DDX59: variants seen among roughly 807,000 people sequenced by gnomAD.
The protein encoded by DDX59 is DEAD-box helicase 59.
A neutral mutation model predicts 51.9 loss-of-function variants in DDX59; 30 were observed. That is an observed-to-expected ratio of 0.58 (90% CI 0.43 to 0.78). The LOEUF is 0.78. Among genes scored for constraint, DDX59 ranks in the 30% least tolerant of loss-of-function variants. The pLI is 0.00. For synonymous variants in DDX59, 255 were observed against 253.3 expected (o/e 1.01, Z -0.06); for missense variants, 672 against 730.8 (o/e 0.92, Z 0.93).
At chr1:200,657,568 T>C (rs1195830753) in intron 4 of DDX59, among the ~76,000 whole-genome samples, 1 of 151,866 alleles carries the variant, frequency 6.6e-6, no homozygotes, top group Non-Finnish European at 1.5e-5. Flanking sequence ...GCTAACACAG[T>C]GAAACCCCGT....
At chr1:200,657,558 G>A (rs999793209) in intron 4 of DDX59, among the ~76,000 whole-genome samples, 1 of 152,034 alleles carries the variant, frequency 6.6e-6, no homozygotes, top group Non-Finnish European at 1.5e-5. Context: ...GACCATCCTG[G>A]CTAACACAGT....
At chr1:200,660,571 G>A (rs1271098784) in intron 3 of DDX59, among the ~76,000 whole-genome samples, 1 of 151,872 alleles carries the variant, frequency 6.6e-6, no homozygotes, top group Non-Finnish European at 1.5e-5. Context: ...CATAGAGGAG[G>A]ATTGGTCAAA....
Position 200,665,689 on chromosome 1 carries a change from T to C in DDX59, c.804+248A>G, listed in dbSNP as rs372565256. Among the ~76,000 whole-genome samples, 21 of 152,246 alleles carry C rather than the reference T, an allele frequency of 1.4e-4. 1 individual carries two copies. The East Asian group carries it at 2.1e-3, about 15-fold the overall frequency. On this transcript the variant is annotated intron_variant, in intron 2 of 7. Coordinates refer to ENST00000331314, the MANE Select transcript of DDX59 (RefSeq NM_001031725.6). ...GAAAAACTGTTAAAAAGAAAATGTT[T>C]TGTAAGGAAGCAAGTTTTTAGATCG...
downstream of DDX59, among the ~76,000 whole-genome samples, chr1:200,642,315 T>C (rs35075568): frequency 4.3e-3 from 653 of 152,330 alleles, 2 homozygotes; most frequent in Non-Finnish European, 5.8e-3. Context: ...TTTTATAATA[T>C]AGTACATTAG....
In DDX59 at chr1:200,664,005, T is replaced by G. The variant is rs1469772919; in HGVS notation, c.886A>C (p.Ser296Arg). Residue 296 changes from serine (S) to arginine (R), a missense_variant, in exon 3 of 8, where the codon AGT becomes CGT. Transcript: ENST00000331314. The stretch of plus-strand genomic sequence containing the variant: ...ACAGTTTTCATGCGTGGCAGGCCAC[T>G]CATCAATTCTTTAGCTTGTCTCTCT... ...QIERQAKELM[S>R]GLPRMKTVLL... 1 of 1,614,120 alleles carries G rather than the reference T, an allele frequency of 6.2e-7. No individual in the cohort carries two copies. Among genetic ancestry groups the G allele is most frequent in the Non-Finnish European group, 8.5e-7 (1 of 1,180,046 alleles).
chr1:200,669,088 T>C (rs1403619941), intron 1 of DDX59, among the ~76,000 whole-genome samples: 3 of 152,150 alleles, frequency 2.0e-5, no homozygotes, highest in Non-Finnish European at 4.4e-5. Context: ...TCAAAATAAA[T>C]CTCTTCAAAT....
intron 6 of DDX59, among the ~76,000 whole-genome samples, chr1:200,648,811 T>C (rs140140746): frequency 2.0e-5 from 3 of 152,342 alleles, no homozygotes; most frequent in Admixed American, 2.0e-4. Flanking sequence ...TGCCCTGCTC[T>C]AGTCCAAACT....
At chr1:200,663,809 A>T in intron 3 of DDX59, 110 bp downstream of exon 3, 2 of 1,141,420 alleles carry the variant, frequency 1.8e-6, no homozygotes, top group Non-Finnish European at 2.3e-6. Flanking sequence ...GTAAGAATTT[A>T]AAGGCTCTCT....
chr1:200,654,944 C>CTTAG (rs1661918149), intron 4 of DDX59: 1 of 152,204 alleles, frequency 6.6e-6, no homozygotes, highest in African/African-American at 2.4e-5. Context: ...AAGCCAGGCC[C>CTTAG]TTAGCCCTAG....
chr1:200,667,205 C>A (rs1409181246), intron 1 of DDX59, among the ~76,000 whole-genome samples: 2 of 152,126 alleles, frequency 1.3e-5, no homozygotes, highest in South Asian at 4.1e-4. Flanking sequence ...GAGTTTGAGA[C>A]CAGCCTGGCC....
chr1:200,666,186 A>T lies in DDX59; in HGVS notation c.555T>A (p.Leu185=), dbSNP rs1186428722. Residue 185 remains leucine, a synonymous_variant, in exon 2 of 8, where the codon CTT becomes CTA. Transcript: ENST00000331314. ...GAACTAAAATTCCCAGCTGCTGTTT[A>T]AGATTTTCAATCTGGTCTTCCTGAA... is the stretch of plus-strand genomic sequence containing the variant. ...LNLQEDQIEN[L]KQQLGILVQG... 6.2e-7 allele frequency: 1 copy of T among 1,614,210 alleles called. No individual in the cohort carries two copies. The highest frequency in any genetic ancestry group is 1.1e-5 in the South Asian group (1 of 91,090).
intron 7 of DDX59, among the ~76,000 whole-genome samples, chr1:200,648,032 G>T (rs879084319): frequency 1.5e-5 from 2 of 133,826 alleles, no homozygotes; most frequent in Non-Finnish European, 3.3e-5. Context: ...CTTTTTTTTG[G>T]GGGGGGGGAG....
At chr1:200,649,636 A>AT in intron 5 of DDX59, among the ~76,000 whole-genome samples, 1 of 151,146 alleles carries the variant, frequency 6.6e-6, no homozygotes, top group South Asian at 2.1e-4. Context: ...CACAAAAAAA[A>AT]AAAAAAACAC....
At chr1:200,651,203 T>C (rs1309278729) in intron 4 of DDX59, among the ~76,000 whole-genome samples, 3 of 151,404 alleles carry the variant, frequency 2.0e-5, no homozygotes, top group Non-Finnish European at 3.0e-5. Flanking sequence ...CAAAGTTTGT[T>C]TTTTTTTTAA....
At chr1:200,640,976 TTTAC>T (rs1163962693), downstream of DDX59, 1 of 273,768 alleles carries the variant, frequency 3.7e-6, no homozygotes. Context: ...GAGAACTGTG[TTTAC>T]TTAATTATCC....
At chr1:200,664,849 A>G (rs1662614175) in intron 2 of DDX59, among the ~76,000 whole-genome samples, 1 of 151,926 alleles carries the variant, frequency 6.6e-6, no homozygotes, top group Non-Finnish European at 1.5e-5. Context: ...CTAATTTTGT[A>G]TTTTTAGTAG....
chr1:200,646,870 A>G (rs867909378), intron 7 of DDX59, among the ~76,000 whole-genome samples: 22 of 152,264 alleles, frequency 1.4e-4, no homozygotes, highest in African/African-American at 5.3e-4. Context: ...CAACTAATGA[A>G]TAAACAAAGG....
At chr1:200,644,751 C>T (rs1177473546) in intron 7 of DDX59, among the ~76,000 whole-genome samples, 1 of 151,936 alleles carries the variant, frequency 6.6e-6, no homozygotes, top group Non-Finnish European at 1.5e-5. Context: ...AAAAATTAGC[C>T]AGGCATGGTG....
At chr1:200,667,897 T>C (rs535316360) in intron 1 of DDX59, among the ~76,000 whole-genome samples, 24 of 152,116 alleles carry the variant, frequency 1.6e-4, no homozygotes, top group South Asian at 1.0e-3. Context: ...TAGTATAGCA[T>C]AATGAAAAAA....
Sources: allele counts gnomAD v4.1 joint callset (sites outside exome capture counted in the v4.1 genomes callset), GRCh38; gene constraint gnomAD v4.1.1; transcripts MANE v1.5; gene names NCBI Gene and HGNC (gene_info 2026-07-23, HGNC 2026-07-21).